The following CNTN6 variants were observed in gnomAD, a reference collection of about 807,000 sequenced individuals.
CNTN6 encodes the protein contactin-6.
In CNTN6, 137 loss-of-function variants were observed where a neutral mutation model predicts 122.8. The observed-to-expected ratio is 1.12, with a 90% CI of 0.97 to 1.29. The LOEUF is 1.29. Ranked by LOEUF, CNTN6 falls within the 50% of genes most tolerant of loss-of-function variation. The pLI is 0.00. For missense variants in CNTN6, 1,634 were observed against 1,223.4 expected (o/e 1.34, Z -5.01); for synonymous variants, 570 against 426.0 (o/e 1.34, Z -4.16).
intron 3 of CNTN6, among the ~76,000 whole-genome samples, chr3:1,223,915 G>A (rs1287929439): frequency 1.3e-5 from 2 of 152,148 alleles, no homozygotes; most frequent in Non-Finnish European, 2.9e-5. Context: ...TGTGAGATAA[G>A]CAGAATATAC....
chr3:1,224,050 C>T (rs1472110420), intron 3 of CNTN6, among the ~76,000 whole-genome samples: 2 of 152,186 alleles, frequency 1.3e-5, no homozygotes, highest in Non-Finnish European at 2.9e-5. Flanking sequence ...GTCACAGACT[C>T]AAATTCAGTG....
At chr3:1,304,820 C>CGT (rs1698067249) in intron 7 of CNTN6, among the ~76,000 whole-genome samples, 1 of 151,638 alleles carries the variant, frequency 6.6e-6, no homozygotes, top group African/African-American at 2.4e-5. Context: ...GGTGAAACCC[C>CGT]CTTATCTACA....
In CNTN6 at chr3:1,352,414, T is replaced by G; in HGVS notation, c.1455T>G (p.Phe485Leu). 2 of 1,609,812 alleles carry G rather than the reference T, an allele frequency of 1.2e-6. No homozygotes were observed. The highest frequency in any genetic ancestry group is 8.5e-7 in the Non-Finnish European group (1 of 1,177,236). Residue 485 changes from phenylalanine (F) to leucine (L), a missense_variant, in exon 12 of 23, where the codon TTT (phenylalanine) becomes TTG (leucine). Phe to Leu is a conservative substitution (Grantham distance 22). Coordinates refer to ENST00000446702, the MANE Select transcript of CNTN6 (RefSeq NM_001289080.2). ...ATACATGCATAGCCACAAATCAGTT[T>G]GGCACTGCAAAGAACACTGGCAGCC... Reference protein sequence around the residue: ...GSYTCIATNQFGTAKNTGSLI... With the variant: ...GSYTCIATNQLGTAKNTGSLI...
intron 5 of CNTN6, among the ~76,000 whole-genome samples, chr3:1,286,344 C>A (rs568286653): frequency 5.3e-5 from 8 of 152,284 alleles, no homozygotes; most frequent in Middle Eastern, 3.4e-3. Flanking sequence ...CTATCCCTCC[C>A]TTAGCCCCCC....
chr3:1,173,087 G>A (rs1046388106), intron 2 of CNTN6: 4 of 389,114 alleles, frequency 1.0e-5, no homozygotes, highest in African/African-American at 8.4e-5. Context: ...TAACTCACTT[G>A]TCTTGCTATT....
chr3:1,300,709 T>C (rs889636995), intron 7 of CNTN6, among the ~76,000 whole-genome samples: 8 of 152,090 alleles, frequency 5.3e-5, no homozygotes, highest in African/African-American at 1.9e-4. Flanking sequence ...TATTCAAACC[T>C]ATAGAAAAGT....
At chr3:1,253,543 T>C (rs1165630231) in intron 4 of CNTN6, among the ~76,000 whole-genome samples, 1 of 152,160 alleles carries the variant, frequency 6.6e-6, no homozygotes, top group Non-Finnish European at 1.5e-5. Flanking sequence ...TTTCAACTGA[T>C]TTGACTTCTC....
intron 5 of CNTN6, among the ~76,000 whole-genome samples, chr3:1,280,493 C>G (rs1455967102): frequency 5.2e-5 from 1 of 19,284 alleles, no homozygotes; most frequent in Admixed American, 5.2e-4. Context: ...GTGATAGCAT[C>G]TCGCTCTGTC....
At chr3:1,119,230 G>T (rs1161630426) in intron 1 of CNTN6, among the ~76,000 whole-genome samples, 1 of 150,274 alleles carries the variant, frequency 6.7e-6, no homozygotes, top group South Asian at 2.1e-4. Context: ...GGTCATAATA[G>T]GACTATAATT....
rs1364121466 is a variant in CNTN6, at chr3:1,098,787, CACAT to C, written c.-83+5669_-83+5672del. Among the ~76,000 whole-genome samples, 432 of 55,610 alleles carry C rather than the reference CACAT, an allele frequency of 7.8e-3. 2 individuals are homozygous for C. Among genetic ancestry groups the C allele is most frequent in the Admixed American group, 8.8e-3 (42 of 4,800 alleles). The allele number at this position is 55,610 out of a possible 152,430, so 36.5% of individuals were successfully genotyped here. ...ACACACACACACACACACACACACA[CACAT>C]ATATATATATATATATATATATATA... On this transcript the variant is annotated intron_variant, in intron 1 of 22. Transcript: ENST00000446702.
intron 4 of CNTN6, among the ~76,000 whole-genome samples, chr3:1,248,684 G>A (rs184934737): frequency 1.5e-3 from 228 of 152,118 alleles, no homozygotes; most frequent in Middle Eastern, 6.8e-3. Context: ...GCCAGGTGTG[G>A]TGGTGGGCGC....
intron 2 of CNTN6, among the ~76,000 whole-genome samples, chr3:1,158,149 A>G (rs55951540): frequency 0.19 from 28,728 of 151,978 alleles, 3,500 homozygotes; most frequent in African/African-American, 0.33. Context: ...ATTCTCACCA[A>G]TGGTGTATGA....
At chr3:1,252,577 CTA>C (rs2094688799) in intron 4 of CNTN6, among the ~76,000 whole-genome samples, 2 of 152,156 alleles carry the variant, frequency 1.3e-5, no homozygotes, top group Admixed American at 6.5e-5. Flanking sequence ...ATTTTCCCTA[CTA>C]GTCATTTTAG....
intron 3 of CNTN6, 137 bp from the exon 4 acceptor site, chr3:1,227,681 C>A: frequency 2.3e-6 from 2 of 864,044 alleles, no homozygotes; most frequent in Non-Finnish European, 3.5e-6. Flanking sequence ...TTTGGTAAAA[C>A]TGGTAGGATT....
intron 4 of CNTN6, among the ~76,000 whole-genome samples, chr3:1,252,078 A>C (rs1490238322): frequency 6.6e-6 from 1 of 152,176 alleles, no homozygotes; most frequent in Non-Finnish European, 1.5e-5. Flanking sequence ...CATCTATCAC[A>C]TACCATTGGA....
At chr3:1,215,918 G>C (rs916779000) in intron 2 of CNTN6, among the ~76,000 whole-genome samples, 1 of 152,024 alleles carries the variant, frequency 6.6e-6, no homozygotes, top group Non-Finnish European at 1.5e-5. Flanking sequence ...GAGAATGATG[G>C]GGCCAAGGAA....
At chr3:1,186,745 T>G (rs1355482969) in intron 2 of CNTN6, among the ~76,000 whole-genome samples, 2 of 152,072 alleles carry the variant, frequency 1.3e-5, no homozygotes, top group Non-Finnish European at 2.9e-5. Flanking sequence ...TGGAGCCCCT[T>G]TCTCAATGGT....
chr3:1,332,519 G>GAAGGAAGGAAGGAAGGAAGGGGCGAGC (rs1702448971), intron 11 of CNTN6, among the ~76,000 whole-genome samples: 2 of 53,614 alleles, frequency 3.7e-5, no homozygotes, highest in African/African-American at 1.8e-4. Context: ...AGGAAGGAAG[G>GAAGGAAGGAAGGAAGGAAGGGGCGAGC]AAGGAAGGAA....
At chr3:1,387,985 AG>A (rs1216771207) in intron 20 of CNTN6, among the ~76,000 whole-genome samples, 2 of 151,376 alleles carry the variant, frequency 1.3e-5, no homozygotes, top group Non-Finnish European at 3.0e-5. Context: ...AGGCTGGGGG[AG>A]GGGCGCCCGC....
Sources: allele counts gnomAD v4.1 joint callset (sites outside exome capture counted in the v4.1 genomes callset), GRCh38; gene constraint gnomAD v4.1.1; transcripts MANE v1.5; gene names NCBI Gene and HGNC (gene_info 2026-07-23, HGNC 2026-07-21).